EXD1: variants seen among roughly 807,000 people sequenced by gnomAD.
EXD1 encodes piRNA biogenesis protein EXD1.
Under a neutral mutation model 49.1 loss-of-function variants are expected in EXD1, and 63 were observed. The observed-to-expected ratio is 1.28, with a 90% CI of 1.05 to 1.58. The LOEUF is 1.58. Ranked by LOEUF, EXD1 falls within the 40% of genes most tolerant of loss-of-function variation. The pLI is 0.00. For synonymous variants in EXD1, 234 were observed against 239.2 expected, an observed-to-expected ratio of 0.98 and a Z score of 0.20; for missense variants, 748 against 666.0, an observed-to-expected ratio of 1.12 and a Z score of -1.36.
At position 41,195,995 on chromosome 15, in the gene EXD1, G is replaced by C; in HGVS notation, c.577C>G (p.Leu193Val). Residue 193 changes from leucine (L) to valine (V), a missense_variant, in exon 8 of 12, where the codon CTG (leucine) becomes GTG (valine). Leu to Val is a conservative substitution (Grantham distance 32). Coordinates refer to ENST00000458580, the MANE Select transcript of EXD1 (RefSeq NM_001286441.2). Reference sequence around the variant, plus strand: ...CCATTGTGGAAAGCTCGACTTCCCAGAAGGAAAATGTCAAATAAGTAAACT... The same window carrying C: ...CCATTGTGGAAAGCTCGACTTCCCACAAGGAAAATGTCAAATAAGTAAACT... ...CRVYLFDIFL[L>V]GSRAFHNGLQ... 6.2e-7 allele frequency: 1 copy of C among 1,613,306 alleles called. No homozygotes were observed.
chr15:41,230,616 TGAAGGAAGAAGTCTCGG>T lies in EXD1; in HGVS notation c.-208_-192del. On this transcript the variant is annotated 5_prime_UTR_variant, in exon 1 of 12. Transcript: ENST00000458580. ...AGAACTAAAAGAAGAGGGGCTGCAA[TGAAGGAAGAAGTCTCGG>T]GACGCTCCACGCCACCCGGCGGCGG... 1 of 1,532,268 alleles carries T rather than the reference TGAAGGAAGAAGTCTCGG, an allele frequency of 6.5e-7. No homozygotes were observed. The highest frequency in any genetic ancestry group is 2.3e-5 in the East Asian group (1 of 44,052). The allele number at this position is 1,532,268 out of a possible 1,614,324, so 94.9% of individuals were successfully genotyped here. A position where few individuals can be genotyped will look rare whatever the true frequency, so the allele number is the denominator to read the frequency against.
At chr15:41,191,180 C>T (rs1345895802) in intron 10 of EXD1, among the ~76,000 whole-genome samples, 1 of 152,318 alleles carries the variant, frequency 6.6e-6, no homozygotes, top group Non-Finnish European at 1.5e-5. Context: ...CCCGCCTCAG[C>T]CTCCCAAAGT....
At chr15:41,218,723 C>T (rs1250437020) in intron 3 of EXD1, among the ~76,000 whole-genome samples, 2 of 152,064 alleles carry the variant, frequency 1.3e-5, no homozygotes, top group East Asian at 3.8e-4. Context: ...TTAAGAACTC[C>T]AACTACCACT....
intron 2 of EXD1, 77 bp downstream of exon 2, chr15:41,226,366 C>A: frequency 1.5e-6 from 2 of 1,361,452 alleles, no homozygotes; most frequent in South Asian, 2.6e-5. Context: ...GCCACCCTCC[C>A]AATCACTAAT....
intron 6 of EXD1, among the ~76,000 whole-genome samples, chr15:41,210,362 G>A (rs575035085): frequency 1.3e-5 from 2 of 152,254 alleles, no homozygotes; most frequent in Non-Finnish European, 2.9e-5. Flanking sequence ...GGACTCTTCA[G>A]GTCCCTTAAA....
rs530910067 is a variant in EXD1 at position 41,218,739 on chromosome 15, C to T, written c.202+1091G>A. Among the ~76,000 whole-genome samples, 168 of 152,236 alleles carry T rather than the reference C, an allele frequency of 1.1e-3. 1 individual carries two copies. The highest frequency in any genetic ancestry group is 3.4e-3 in the Middle Eastern group (1 of 294). The stretch of plus-strand genomic sequence containing the variant: ...TAAGAACTCCAACTACCACTACTAT[C>T]CCTGCCATTATAAAAGAATATTCAA... On this transcript the variant is annotated intron_variant, in intron 3 of 11. Transcript: ENST00000458580.
rs778270320 is a variant in EXD1 at position 41,184,449 on chromosome 15, C to T, written c.1201G>A (p.Glu401Lys). The T allele has an allele frequency of 3.1e-6, 5 of 1,614,060 alleles. No homozygotes were observed. In the Admixed American group the frequency reaches 6.7e-5, roughly 22 times the overall value. Residue 401 changes from glutamate (E) to lysine (K), a missense_variant, in exon 12 of 12, where the codon GAG becomes AAG. Glu to Lys is a moderately conservative substitution (Grantham distance 56, BLOSUM62 1). Transcript: ENST00000458580. ...TVLQPKKLVTETAGKEEKVKG... is the reference protein window; with the variant it reads ...TVLQPKKLVTKTAGKEEKVKG... ...ACTTTCTCCTCTTTCCCTGCTGTCT[C>T]TGTCACTAATTTCTTTGGCTGTAGC...
chr15:41,219,050 C>T (rs559869755), intron 3 of EXD1, among the ~76,000 whole-genome samples: 2 of 152,208 alleles, frequency 1.3e-5, no homozygotes, highest in Admixed American at 1.3e-4. Flanking sequence ...AGCTCCTGAT[C>T]TGTACTCCTC....
chr15:41,230,731 C>T lies in EXD1; in HGVS notation c.-306G>A, dbSNP rs1229392893. ...GGACACACGCCGCAGAGGCGACGCC[C>T]GCCCGGCCCAACGTCCAGTCTCGTC... is the stretch of plus-strand genomic sequence containing the variant. On this transcript the variant is annotated 5_prime_UTR_variant, in exon 1 of 12. Coordinates refer to ENST00000458580, the MANE Select transcript of EXD1 (RefSeq NM_001286441.2). 1 of 619,030 alleles carries T rather than the reference C, an allele frequency of 1.6e-6. No homozygotes were observed. The highest frequency in any genetic ancestry group is 1.9e-5 in the African/African-American group (1 of 53,894). The allele number at this position is 619,030 out of a possible 1,614,324, so 38.3% of individuals were successfully genotyped here. A position where few individuals can be genotyped will look rare whatever the true frequency, so the allele number is the denominator to read the frequency against.
intron 6 of EXD1, 38 bp downstream of exon 6, chr15:41,215,737 T>C (rs1206651571): frequency 6.3e-7 from 1 of 1,580,938 alleles, no homozygotes; most frequent in Non-Finnish European, 8.7e-7. Flanking sequence ...GATACCTACA[T>C]ACAGGCAATA....
Position 41,199,764 on chromosome 15 carries a change from A to G in EXD1, c.535-3727T>C, listed in dbSNP as rs867507344. Among the ~76,000 whole-genome samples, 126 of 21,128 alleles carry G rather than the reference A, an allele frequency of 6.0e-3. 4 individuals carry two copies. The highest frequency in any genetic ancestry group is 0.011 in the Admixed American group (17 of 1,504). The allele number at this position is 21,128 out of a possible 152,430, so 13.9% of individuals were successfully genotyped here. A position where few individuals can be genotyped will look rare whatever the true frequency, so the allele number is the denominator to read the frequency against. On this transcript the variant is annotated intron_variant, in intron 7 of 11. Transcript: ENST00000458580. ...GTCATATATTATATATGATACATAT[A>G]TGATATATATGTCATATATTATATA... is the stretch of plus-strand genomic sequence containing the variant.
intron 7 of EXD1, among the ~76,000 whole-genome samples, chr15:41,198,439 G>A (rs1422595939): frequency 2.0e-5 from 3 of 152,018 alleles, no homozygotes; most frequent in Non-Finnish European, 4.4e-5. Context: ...ACCTGTAATC[G>A]TAAGCACTTT....
intron 7 of EXD1, among the ~76,000 whole-genome samples, chr15:41,200,322 A>G (rs978119675): frequency 6.6e-6 from 1 of 152,098 alleles, no homozygotes; most frequent in Non-Finnish European, 1.5e-5. Flanking sequence ...CAGCTGTTCG[A>G]GACCAGCCTG....
chr15:41,223,691 C>T (rs1490036921), intron 2 of EXD1, among the ~76,000 whole-genome samples: 1 of 151,666 alleles, frequency 6.6e-6, no homozygotes, highest in Non-Finnish European at 1.5e-5. Flanking sequence ...GAAACCACGT[C>T]TCTACTAAAA....
chr15:41,220,008 A>C (rs1015297277), intron 2 of EXD1, 110 bp from the exon 3 acceptor site: 18 of 776,678 alleles, frequency 2.3e-5, no homozygotes, highest in East Asian at 1.9e-4. Context: ...AAAAAAAAAA[A>C]AACTCCAAAA....
chr15:41,213,497 C>A (rs1474989707), intron 6 of EXD1, among the ~76,000 whole-genome samples: 3 of 119,468 alleles, frequency 2.5e-5, no homozygotes, highest in Admixed American at 2.3e-4. Flanking sequence ...CCGTGTCCAG[C>A]CAGTTTTTGT....
Position 41,199,723 on chromosome 15 carries a change from T to A in EXD1, c.535-3686A>T, listed in dbSNP as rs369341573. Among the ~76,000 whole-genome samples, 37 of 36,304 alleles carry A rather than the reference T, an allele frequency of 1.0e-3. 3 individuals carry two copies. Among genetic ancestry groups the A allele is most frequent in the Admixed American group, 3.5e-3 (8 of 2,316 alleles). The allele number at this position is 36,304 out of a possible 152,430, so 23.8% of individuals were successfully genotyped here. On this transcript the variant is annotated intron_variant, in intron 7 of 11. Transcript: ENST00000458580. ...TACATATATCATATATATGATATAT[T>A]ATATATGATATATATGTCATATATT...
At position 41,184,319 on chromosome 15, in the gene EXD1, T is replaced by C. The variant is rs1187172500; in HGVS notation, c.1331A>G (p.Asn444Ser). Residue 444 changes from asparagine to serine, a missense_variant, in exon 12 of 12, where the codon AAT becomes AGT. Asn to Ser is a conservative substitution (Grantham distance 46). Transcript: ENST00000458580. ...ATGTTGAGGATTTGTAGCTTGTTTA[T>C]TCAAAGATTCTTCTTTCAGTAAATT... is the stretch of plus-strand genomic sequence containing the variant. ...DVNLLKEESL[N>S]KQATNPQHLP... 1 of 1,614,230 alleles carries C rather than the reference T, an allele frequency of 6.2e-7. No individual in the cohort carries two copies.
rs780904728 is a variant in EXD1, at chr15:41,195,970, C to G, written c.602G>C (p.Gly201Ala). ...CTTGTCTTCTAGTATCATCTGAAGTCCATTGTGGAAAGCTCGACTTCCCAG... is the reference window on the plus strand; with the variant it reads ...CTTGTCTTCTAGTATCATCTGAAGTGCATTGTGGAAAGCTCGACTTCCCAG... Reference protein sequence around the residue: ...FLLGSRAFHNGLQMILEDKRI... With the variant: ...FLLGSRAFHNALQMILEDKRI... The change falls in exon 8 of 12, where the codon GGA becomes GCA. Residue 201 changes from glycine to alanine, a missense_variant. Transcript: ENST00000458580. 6.2e-7 allele frequency: 1 copy of G among 1,612,968 alleles called. No homozygotes were observed. Among genetic ancestry groups the G allele is most frequent in the Admixed American group, 1.7e-5 (1 of 59,580 alleles).
Sources: gnomAD v4.1 joint callset for allele counts (sites outside exome capture counted in the v4.1 genomes callset) on GRCh38, gnomAD v4.1.1 for gene constraint, MANE v1.5 for transcripts, NCBI Gene and HGNC (gene_info 2026-07-23, HGNC 2026-07-21) for gene names.